The following RBMS3 variants were observed in gnomAD, a reference collection of about 807,000 sequenced individuals.
RBMS3 encodes RNA binding motif single stranded interacting protein 3, also known as RNA-binding motif, single-stranded-interacting protein 3.
Under a neutral mutation model 66.8 loss-of-function variants are expected in RBMS3, and 27 were observed. The ratio of observed to expected loss-of-function variants is 0.40; its 90% CI spans 0.30 to 0.56. The LOEUF (loss-of-function observed/expected upper bound fraction) is 0.56, where lower values mean the gene tolerates loss of function less well. Ranked by LOEUF, RBMS3 falls within the 20% of genes least tolerant of loss-of-function variation. The pLI, the probability that RBMS3 is intolerant of heterozygous loss-of-function variation, is 0.40. For missense variants in RBMS3, 513 were observed against 549.5 expected (o/e 0.93, Z 0.66); for synonymous variants, 188 against 183.0 (o/e 1.03, Z -0.22).
intron 12 of RBMS3, among the ~76,000 whole-genome samples, chr3:29,970,728 C>T (rs1367980957): frequency 6.6e-6 from 1 of 152,084 alleles, no homozygotes; most frequent in Non-Finnish European, 1.5e-5. Flanking sequence ...CTTTTATTTG[C>T]TCTCTTTATT....
intron 3 of RBMS3, among the ~76,000 whole-genome samples, chr3:29,554,562 G>A (rs761974033): frequency 2.4e-4 from 37 of 152,154 alleles, no homozygotes; most frequent in Admixed American, 6.5e-4. Flanking sequence ...GTGATATGCT[G>A]GACCAGAGAT....
At chr3:29,893,385 G>A (rs2060049726) in intron 8 of RBMS3, among the ~76,000 whole-genome samples, 1 of 151,504 alleles carries the variant, frequency 6.6e-6, no homozygotes, top group Non-Finnish European at 1.5e-5. Flanking sequence ...AACTTTGCCT[G>A]TCAATCCAAT....
rs114248155 is a variant in RBMS3 at position 29,415,561 on chromosome 3, A to G, written c.76-19182A>G. On this transcript the variant is annotated intron_variant, in intron 1 of 14. Coordinates refer to ENST00000383767, the MANE Select transcript of RBMS3 (RefSeq NM_001003793.3). Reference sequence around the variant, plus strand: ...GTGAAAATTAATTTTTGTTGGGGGAAGATAAAGCTTAAGGCTGCATGTGGG... The same window carrying G: ...GTGAAAATTAATTTTTGTTGGGGGAGGATAAAGCTTAAGGCTGCATGTGGG... Among the ~76,000 whole-genome samples, 1,384 of 152,258 alleles carry G rather than the reference A, an allele frequency of 9.1e-3. 7 individuals are homozygous for G. Among genetic ancestry groups the G allele is most frequent in the Middle Eastern group, 0.017 (5 of 294 alleles).
chr3:29,859,104 T>C (rs1246215272), intron 6 of RBMS3, among the ~76,000 whole-genome samples: 1 of 152,216 alleles, frequency 6.6e-6, no homozygotes, highest in Admixed American at 6.5e-5. Context: ...TATTTCCTCT[T>C]TTTAGTGTAT....
chr3:29,998,142 T>C (rs1699373094), intron 14 of RBMS3, among the ~76,000 whole-genome samples: 2 of 152,060 alleles, frequency 1.3e-5, no homozygotes, highest in Non-Finnish European at 2.9e-5. Flanking sequence ...AACAGCCAAA[T>C]CATGAGTGAA....
chr3:29,548,135 A>G (rs1320424824), intron 3 of RBMS3, among the ~76,000 whole-genome samples: 1 of 152,066 alleles, frequency 6.6e-6, no homozygotes, highest in African/African-American at 2.4e-5. Context: ...TCCATCCATA[A>G]AAAGTTAATG....
At chr3:30,002,160 T>G (rs1559881354) in intron 14 of RBMS3, among the ~76,000 whole-genome samples, 1 of 152,036 alleles carries the variant, frequency 6.6e-6, no homozygotes, top group Non-Finnish European at 1.5e-5. Context: ...TTATAAAACC[T>G]AAAGTAGTTC....
At chr3:29,801,272 C>CTTTTT (rs200997680) in intron 6 of RBMS3, among the ~76,000 whole-genome samples, 1 of 129,478 alleles carries the variant, frequency 7.7e-6, no homozygotes, top group Non-Finnish European at 1.6e-5. Context: ...TGCTTTTTTT[C>CTTTTT]TTTTTTTTTT....
intron 6 of RBMS3, among the ~76,000 whole-genome samples, chr3:29,857,719 G>A (rs2059115465): frequency 6.6e-6 from 1 of 152,062 alleles, no homozygotes; most frequent in Admixed American, 6.6e-5. Flanking sequence ...GGACCAGTGA[G>A]GTAGACACTA....
chr3:29,805,971 CCCTATACAGGGGTG>C (rs530051907), intron 6 of RBMS3, among the ~76,000 whole-genome samples: 43 of 152,122 alleles, frequency 2.8e-4, no homozygotes, highest in African/African-American at 1.0e-3. Flanking sequence ...CTGGTAAGTA[CCCTATACAGGGGTG>C]CCATTTTTAA....
chr3:29,838,196 A>G (rs1055746483), intron 6 of RBMS3, among the ~76,000 whole-genome samples: 4 of 139,730 alleles, frequency 2.9e-5, no homozygotes, highest in African/African-American at 1.0e-4. Context: ...AAAAAAAGCC[A>G]GCTGTGATGG....
intron 12 of RBMS3, among the ~76,000 whole-genome samples, chr3:29,975,059 T>C (rs62235523): frequency 0.075 from 6,202 of 83,094 alleles, 918 homozygotes; most frequent in East Asian, 0.26. Context: ...ATATAAAATA[T>C]GTTTCTATAT....
At chr3:29,991,325 G>A in intron 14 of RBMS3, 116 bp downstream of exon 14, 1 of 1,510,724 alleles carries the variant, frequency 6.6e-7, no homozygotes, top group Non-Finnish European at 8.9e-7. Context: ...CTTAGCAACA[G>A]GCATTTATTT....
intron 1 of RBMS3, among the ~76,000 whole-genome samples, chr3:29,348,629 C>G (rs1216747267): frequency 6.7e-6 from 1 of 150,140 alleles, no homozygotes; most frequent in African/African-American, 2.4e-5. Flanking sequence ...GGTTACAATA[C>G]AGTAATAAAA....
chr3:29,789,641 C>A (rs12485557), intron 6 of RBMS3, among the ~76,000 whole-genome samples: 47,405 of 151,640 alleles, frequency 0.31, 8,161 homozygotes, highest in African/African-American at 0.46. Context: ...TAATGTTTGA[C>A]TATTTGAGGG....
At chr3:29,493,672 G>T (rs1030484964) in intron 3 of RBMS3, among the ~76,000 whole-genome samples, 5 of 151,992 alleles carry the variant, frequency 3.3e-5, no homozygotes, top group African/African-American at 9.7e-5. Context: ...AATTAAGCTG[G>T]TTTTAATTAT....
At chr3:29,922,648 A>C (rs908475944) in intron 10 of RBMS3, among the ~76,000 whole-genome samples, 1 of 152,210 alleles carries the variant, frequency 6.6e-6, no homozygotes, top group Non-Finnish European at 1.5e-5. Context: ...TGGCATATAT[A>C]CTATAATTTG....
intron 1 of RBMS3, among the ~76,000 whole-genome samples, chr3:29,341,366 G>A (rs1330048969): frequency 3.1e-4 from 47 of 151,938 alleles, no homozygotes; most frequent in Non-Finnish European, 4.4e-5. Context: ...TCATTATGTT[G>A]CCCATTGTCA....
At chr3:29,706,183 T>C (rs1447013901) in intron 4 of RBMS3, among the ~76,000 whole-genome samples, 1 of 152,188 alleles carries the variant, frequency 6.6e-6, no homozygotes, top group Non-Finnish European at 1.5e-5. Context: ...GAATCTGCCA[T>C]TTACCTACCT....
Sources: gnomAD v4.1 joint callset for allele counts (sites outside exome capture counted in the v4.1 genomes callset) on GRCh38, gnomAD v4.1.1 for gene constraint, MANE v1.5 for transcripts, NCBI Gene and HGNC (gene_info 2026-07-23, HGNC 2026-07-21) for gene names.